HTR1D: variants seen among roughly 807,000 people sequenced by gnomAD.
HTR1D encodes 5-hydroxytryptamine receptor 1D.
A neutral mutation model predicts 21.1 loss-of-function variants in HTR1D; 18 were observed. The ratio of observed to expected loss-of-function variants is 0.85; its 90% CI spans 0.59 to 1.27. The LOEUF (loss-of-function observed/expected upper bound fraction) is 1.27. Among genes scored for constraint, HTR1D ranks in the 50% most tolerant of loss-of-function variants. The probability of loss-of-function intolerance (pLI) is 0.00; values close to 1 mark genes in which losing one functional copy is unlikely to be tolerated. For missense variants in HTR1D, 456 were observed against 481.4 expected, an observed-to-expected ratio of 0.95 and a Z score of 0.49; for synonymous variants, 196 against 204.4, an observed-to-expected ratio of 0.96 and a Z score of 0.35.
intron 1 of HTR1D, among the ~76,000 whole-genome samples, chr1:23,204,323 C>T (rs1055833069): frequency 1.3e-5 from 2 of 152,172 alleles, no homozygotes; most frequent in African/African-American, 4.8e-5. Context: ...GACGGGGTTT[C>T]ACCGTGTTAG....
chr1:23,207,763 T>C (rs1428469779), intron 1 of HTR1D, among the ~76,000 whole-genome samples: 8 of 149,404 alleles, frequency 5.4e-5, no homozygotes, highest in Non-Finnish European at 1.2e-4. Flanking sequence ...GAGCCTCTTT[T>C]TTTTTTTTTT....
chr1:23,200,042 T>G (rs988402645), intron 1 of HTR1D, among the ~76,000 whole-genome samples: 1 of 152,152 alleles, frequency 6.6e-6, no homozygotes, highest in East Asian at 1.9e-4. Flanking sequence ...TTGTATATTA[T>G]GAAAAAGAAC....
At chr1:23,213,978 C>T (rs535208006) in intron 1 of HTR1D, among the ~76,000 whole-genome samples, 1 of 152,312 alleles carries the variant, frequency 6.6e-6, no homozygotes, top group East Asian at 1.9e-4. Flanking sequence ...TTGTTTGTGT[C>T]TCTCATTGCC....
At chr1:23,215,198 T>C (rs1048510520) in intron 1 of HTR1D, among the ~76,000 whole-genome samples, 2 of 152,084 alleles carry the variant, frequency 1.3e-5, no homozygotes, top group Non-Finnish European at 1.5e-5. Context: ...GGGTGGATTC[T>C]TTGAGCCCAA....
At chr1:23,209,709 G>A (rs1644746139) in intron 1 of HTR1D, among the ~76,000 whole-genome samples, 1 of 152,092 alleles carries the variant, frequency 6.6e-6, no homozygotes, top group African/African-American at 2.4e-5. Context: ...GGAAAGTGAG[G>A]CTCAGAGAAA....
At chr1:23,216,181 C>T (rs905092762) in intron 1 of HTR1D, among the ~76,000 whole-genome samples, 6 of 152,200 alleles carry the variant, frequency 3.9e-5, no homozygotes, top group Admixed American at 1.3e-4. Context: ...CAGAGGACAG[C>T]GCAGACCCAC....
intron 1 of HTR1D, among the ~76,000 whole-genome samples, chr1:23,202,262 AATTTTTCT>A (rs1458954305): frequency 4.0e-5 from 6 of 151,798 alleles, no homozygotes; most frequent in Admixed American, 3.9e-4. Context: ...ACAACCGACT[AATTTTTCT>A]ATTTTTAGTA....
intron 1 of HTR1D, among the ~76,000 whole-genome samples, chr1:23,208,997 C>CTTTT (rs202088436): frequency 1.5e-5 from 2 of 133,750 alleles, no homozygotes; most frequent in Non-Finnish European, 1.6e-5. Context: ...AAAATTTTCA[C>CTTTT]TTTTTTTTTT....
Position 23,193,775 on chromosome 1 carries a change from G to A in HTR1D, c.445C>T (p.Arg149Cys), listed in dbSNP as rs761191232. The A allele has an allele frequency of 4.6e-5, 75 of 1,614,036 alleles. No individual in the cohort carries two copies. Among genetic ancestry groups the A allele is most frequent in the Middle Eastern group, 1.6e-4 (1 of 6,084 alleles). Residue 149 changes from arginine (R) to cysteine (C), a missense_variant, in exon 2 of 2, where the codon CGC (arginine) becomes TGC (cysteine). Coordinates refer to ENST00000374619, the MANE Select transcript of HTR1D (RefSeq NM_000864.5). ...GTGGCCGCGTGGCCAGCCGTCCTGCGTTTACTGTATTCCAGGGCATCTGTG... is the reference window on the plus strand; with the variant it reads ...GTGGCCGCGTGGCCAGCCGTCCTGCATTTACTGTATTCCAGGGCATCTGTG... ...AITDALEYSKRRTAGHAATMI... is the reference protein window; with the variant it reads ...AITDALEYSKCRTAGHAATMI...
intron 1 of HTR1D, among the ~76,000 whole-genome samples, chr1:23,206,842 C>T (rs900957031): frequency 5.3e-5 from 8 of 152,116 alleles, no homozygotes; most frequent in African/African-American, 9.7e-5. Context: ...ATAGCCCTGA[C>T]GCCTGGCCCA....
chr1:23,205,398 AG>A lies in HTR1D; in HGVS notation c.-782-10398del, dbSNP rs144133019. 1.7e-3 allele frequency among the ~76,000 whole-genome samples: 263 copies of A among 152,322 alleles called. 3 individuals are homozygous for A. The highest frequency in any genetic ancestry group is 5.9e-3 in the African/African-American group (244 of 41,570). On this transcript the variant is annotated intron_variant, in intron 1 of 1. Transcript: ENST00000374619. The stretch of plus-strand genomic sequence containing the variant: ...ACCCCAATAACCTATGGGAAAAAAA[AG>A]TACTCAGCCAAGTTCAGATTAAATC...
At position 23,194,006 on chromosome 1, in the gene HTR1D, G is replaced by C. The variant is rs759288808; in HGVS notation, c.214C>G (p.Pro72Ala). 4 of 1,614,168 alleles carry C rather than the reference G, an allele frequency of 2.5e-6. No individual in the cohort carries two copies. In the Admixed American group the frequency reaches 6.7e-5, roughly 27 times the overall value. ...AGGGAGCCAATCAGGTAGTTGGCAGGGGTGTGGAGCTTCCTGGTGAGTAAG... is the reference window on the plus strand; with the variant it reads ...AGGGAGCCAATCAGGTAGTTGGCAGCGGTGTGGAGCTTCCTGGTGAGTAAG... ...TILLTRKLHT[P>A]ANYLIGSLAT... The change falls in exon 2 of 2, where the codon CCT (proline) becomes GCT (alanine). Residue 72 changes from proline (P) to alanine (A), a missense_variant. Coordinates refer to ENST00000374619, the MANE Select transcript of HTR1D (RefSeq NM_000864.5).
In HTR1D at chr1:23,193,380, C is replaced by T. The variant is rs1644668455; in HGVS notation, c.840G>A (p.Lys280=). ...TGCGTTCCAGGGCACTGTCAGCAAGCTTGATTTTCACGTGGTTGAAAAAGA... is the reference window on the plus strand; with the variant it reads ...TGCGTTCCAGGGCACTGTCAGCAAGTTTGATTTTCACGTGGTTGAAAAAGA... The part of the protein sequence containing the change: ...SPLFFNHVKI[K]LADSALERKR... The change falls in exon 2 of 2, where the codon AAG becomes AAA. Residue 280 remains lysine (K), a synonymous_variant. Coordinates refer to ENST00000374619, the MANE Select transcript of HTR1D (RefSeq NM_000864.5). 1.9e-6 allele frequency: 3 copies of T among 1,614,158 alleles called. No individual in the cohort carries two copies. The highest frequency in any genetic ancestry group is 1.3e-5 in the African/African-American group (1 of 75,032).
chr1:23,212,706 T>C (rs1644758424), intron 1 of HTR1D, among the ~76,000 whole-genome samples: 1 of 152,182 alleles, frequency 6.6e-6, no homozygotes, highest in Admixed American at 6.5e-5. Flanking sequence ...AGTTTCACCT[T>C]TCTTTGACCC....
At chr1:23,216,658 T>A (rs1210081990) in intron 1 of HTR1D, among the ~76,000 whole-genome samples, 2 of 152,238 alleles carry the variant, frequency 1.3e-5, no homozygotes, top group Non-Finnish European at 2.9e-5. Context: ...CTAGGATTTA[T>A]ACAGAACTTT....
intron 1 of HTR1D, among the ~76,000 whole-genome samples, chr1:23,199,009 C>T (rs1405624708): frequency 4.7e-5 from 7 of 149,888 alleles, no homozygotes; most frequent in Admixed American, 4.7e-4. Flanking sequence ...GTGTGTACCA[C>T]CATGCCCGGC....
At chr1:23,206,128 G>A (rs1422032390) in intron 1 of HTR1D, among the ~76,000 whole-genome samples, 2 of 151,112 alleles carry the variant, frequency 1.3e-5, no homozygotes, top group Admixed American at 6.6e-5. Flanking sequence ...TGCAAGCTCC[G>A]CCTCCTGGGT....
intron 1 of HTR1D, among the ~76,000 whole-genome samples, chr1:23,215,034 G>A (rs1001831515): frequency 6.6e-6 from 1 of 152,092 alleles, no homozygotes; most frequent in Non-Finnish European, 1.5e-5. Context: ...AGGGAACAAC[G>A]TAACAGTGTC....
intron 1 of HTR1D, among the ~76,000 whole-genome samples, chr1:23,199,773 T>A (rs1644703130): frequency 6.6e-6 from 1 of 151,910 alleles, no homozygotes; most frequent in African/African-American, 2.4e-5. Flanking sequence ...GATGCAAATC[T>A]TCGCTCACTG....
Sources: gnomAD v4.1 joint callset for allele counts (sites outside exome capture counted in the v4.1 genomes callset) on GRCh38, gnomAD v4.1.1 for gene constraint, MANE v1.5 for transcripts, NCBI Gene and HGNC (gene_info 2026-07-23, HGNC 2026-07-21) for gene names.